Variants in FBN2 observed in about 807,000 individuals in gnomAD.
FBN2 encodes the protein fibrillin-2.
A neutral mutation model predicts 355.6 loss-of-function variants in FBN2; 105 were observed. The observed-to-expected ratio is 0.30, with a 90% CI of 0.25 to 0.35. The LOEUF (loss-of-function observed/expected upper bound fraction) is 0.35. Ranked by LOEUF, FBN2 falls within the 10% of genes least tolerant of loss-of-function variation. The pLI, the probability that FBN2 is intolerant of heterozygous loss-of-function variation, is 1.00. For missense variants in FBN2, 3,280 were observed against 3,758.7 expected, an observed-to-expected ratio of 0.87 and a Z score of 3.33; for synonymous variants, 1,350 against 1,301.2, an observed-to-expected ratio of 1.04 and a Z score of -0.81.
chr5:128,276,740 T>A (rs1765403445), intron 58 of FBN2, among the ~76,000 whole-genome samples: 1 of 152,178 alleles, frequency 6.6e-6, no homozygotes, highest in South Asian at 2.1e-4. Flanking sequence ...GCTGAGTCAC[T>A]GGAGCAGCTG....
intron 5 of FBN2, among the ~76,000 whole-genome samples, chr5:128,503,569 C>A (rs1163080570): frequency 6.6e-6 from 1 of 152,148 alleles, no homozygotes; most frequent in Non-Finnish European, 1.5e-5. Context: ...GTAAATGCCA[C>A]TCTTGATATG....
intron 48 of FBN2, among the ~76,000 whole-genome samples, chr5:128,292,538 T>A (rs1197448515): frequency 6.6e-6 from 1 of 152,064 alleles, no homozygotes; most frequent in African/African-American, 2.4e-5. Flanking sequence ...GGTAGAAGTT[T>A]AACAAAAGAG....
chr5:128,296,436 G>C (rs921740547), intron 48 of FBN2, among the ~76,000 whole-genome samples: 4 of 151,786 alleles, frequency 2.6e-5, no homozygotes, highest in East Asian at 1.9e-4. Context: ...TTGTACCTCT[G>C]GTAGAATTCG....
chr5:128,361,602 A>C, intron 19 of FBN2, 121 bp downstream of exon 19: 5 of 1,267,364 alleles, frequency 3.9e-6, no homozygotes, highest in Non-Finnish European at 5.7e-6. Context: ...GCTAAATGAG[A>C]TTATAAAATA....
chr5:128,357,091 G>T (rs1030560459), intron 20 of FBN2, among the ~76,000 whole-genome samples, 185 bp downstream of exon 20: 1 of 152,144 alleles, frequency 6.6e-6, no homozygotes, highest in East Asian at 1.9e-4. Flanking sequence ...AACAAAAATT[G>T]AATAGGCTGC....
intron 5 of FBN2, among the ~76,000 whole-genome samples, chr5:128,469,286 T>C (rs971909875): frequency 4.6e-5 from 7 of 152,078 alleles, no homozygotes; most frequent in Non-Finnish European, 7.4e-5. Context: ...GTGGCTCATG[T>C]AAGAGAGGAG....
Position 128,393,188 on chromosome 5 carries a change from A to G in FBN2, c.1412T>C (p.Val471Ala), listed in dbSNP as rs928205576. 16 of 1,613,968 alleles carry G rather than the reference A, an allele frequency of 9.9e-6. No homozygotes were observed. The highest frequency in any genetic ancestry group is 1.3e-5 in the Non-Finnish European group (15 of 1,180,010). Residue 471 changes from valine to alanine, a missense_variant, in exon 10 of 65, where the codon GTT becomes GCT. Coordinates refer to ENST00000262464, the MANE Select transcript of FBN2 (RefSeq NM_001999.4). Reference sequence around the variant, plus strand: ...CCCGGCCCCCACACCGGCTCCCCCAACGCCAGGAGAAAAGCCATTGCCTCC... The same window carrying G: ...CCCGGCCCCCACACCGGCTCCCCCAGCGCCAGGAGAAAAGCCATTGCCTCC... ...IPGGNGFSPGVGGAGVGAGGQ... is the reference protein window; with the variant it reads ...IPGGNGFSPGAGGAGVGAGGQ...
chr5:128,296,920 T>C (rs972384078), intron 48 of FBN2, among the ~76,000 whole-genome samples: 2 of 152,152 alleles, frequency 1.3e-5, no homozygotes, highest in Non-Finnish European at 2.9e-5. Flanking sequence ...GTTCTTTTAA[T>C]TGTGATGTTA....
Position 128,537,520 on chromosome 5 carries a change from G to A in FBN2, c.84C>T (p.Gly28=). Residue 28 remains glycine, a synonymous_variant, in exon 1 of 65, where the codon GGC becomes GGT. Coordinates refer to ENST00000262464, the MANE Select transcript of FBN2 (RefSeq NM_001999.4). Reference sequence around the variant, plus strand: ...GCTTGGGCGGAGGAGGCTGAGGCTGGCCGGCCGTGCCCTGCGCCCAGAGCA... The same window carrying A: ...GCTTGGGCGGAGGAGGCTGAGGCTGACCGGCCGTGCCCTGCGCCCAGAGCA... ...CVVLWAQGTA[G]QPQPPPPKPP... is the part of the protein sequence containing the mutation. 6.3e-7 allele frequency: 1 copy of A among 1,576,384 alleles called. No homozygotes were observed. Among genetic ancestry groups the A allele is most frequent in the Non-Finnish European group, 8.6e-7 (1 of 1,164,284 alleles).
intron 34 of FBN2, among the ~76,000 whole-genome samples, chr5:128,321,954 G>C (rs1218765878): frequency 1.3e-5 from 2 of 152,164 alleles, no homozygotes; most frequent in East Asian, 3.9e-4. Context: ...TCCAGCATCT[G>C]TTGTTTCCTG....
At chr5:128,380,499 TTAC>T (rs1752202921) in intron 11 of FBN2, among the ~76,000 whole-genome samples, 1 of 152,080 alleles carries the variant, frequency 6.6e-6, no homozygotes, top group African/African-American at 2.4e-5. Flanking sequence ...AGGCTCCTTG[TTAC>T]TATGGCAGCT....
intron 40 of FBN2, 94 bp downstream of exon 40, chr5:128,309,889 C>T: frequency 7.2e-7 from 1 of 1,388,934 alleles, no homozygotes; most frequent in Non-Finnish European, 1.0e-6. Context: ...GAAGACTGAA[C>T]TTCCAAACTT....
chr5:128,296,762 A>G (rs1368746767), intron 48 of FBN2, among the ~76,000 whole-genome samples: 3 of 152,008 alleles, frequency 2.0e-5, no homozygotes, highest in Non-Finnish European at 4.4e-5. Flanking sequence ...TGGTCTATCA[A>G]TTTTGTTGAT....
rs1751248703 is a variant in FBN2 at position 128,348,618 on chromosome 5, A to C, written c.2989+729T>G. ...GCTTTGTCTACATGTCTAAATTTCA[A>C]ATACAAATCTATGTAAAGTTCTTTT... On this transcript the variant is annotated intron_variant, in intron 23 of 64. Transcript: ENST00000262464. 2.0e-5 allele frequency among the ~76,000 whole-genome samples: 3 copies of C among 152,260 alleles called. No individual in the cohort carries two copies. The South Asian group carries it at 6.2e-4, about 32-fold the overall frequency.
chr5:128,397,859 C>T (rs907284496), intron 8 of FBN2, among the ~76,000 whole-genome samples: 1 of 152,026 alleles, frequency 6.6e-6, no homozygotes, highest in South Asian at 2.1e-4. Flanking sequence ...ACATAAAAAG[C>T]CCAGATTCCA....
chr5:128,348,358 A>G (rs912990167), intron 23 of FBN2, among the ~76,000 whole-genome samples: 2 of 152,032 alleles, frequency 1.3e-5, no homozygotes, highest in African/African-American at 4.8e-5. Context: ...TCTGAAAGAC[A>G]TTTTCTTTAT....
At position 128,447,075 on chromosome 5, in the gene FBN2, C is replaced by T. The variant is rs180782936; in HGVS notation, c.827-469G>A. On this transcript the variant is annotated intron_variant, in intron 6 of 64. Coordinates refer to ENST00000262464, the MANE Select transcript of FBN2 (RefSeq NM_001999.4). ...TTGTGATTTCCTATGTCTGTCTTTA[C>T]TTTAATCTCTTAATCCTGTCATCTT... is the stretch of plus-strand genomic sequence containing the variant. Among the ~76,000 whole-genome samples the T allele has an allele frequency of 8.9e-4, 136 of 152,278 alleles. 2 individuals are homozygous for T. Among genetic ancestry groups the T allele is most frequent in the East Asian group, 7.7e-4 (4 of 5,164 alleles).
intron 7 of FBN2, among the ~76,000 whole-genome samples, chr5:128,444,203 G>C (rs1160347794): frequency 6.6e-6 from 1 of 151,652 alleles, no homozygotes; most frequent in Admixed American, 6.6e-5. Context: ...CTCCCGAGTA[G>C]CTGGGACTAC....
intron 6 of FBN2, among the ~76,000 whole-genome samples, chr5:128,452,624 G>C (rs1232434532): frequency 6.6e-6 from 1 of 152,062 alleles, no homozygotes; most frequent in Non-Finnish European, 1.5e-5. Flanking sequence ...GCAACCAGGG[G>C]ACATAGAAAT....
Sources: gnomAD v4.1 joint callset for allele counts (sites outside exome capture counted in the v4.1 genomes callset) on GRCh38, gnomAD v4.1.1 for gene constraint, MANE v1.5 for transcripts, NCBI Gene and HGNC (gene_info 2026-07-23, HGNC 2026-07-21) for gene names.